CERS3: variants seen among roughly 807,000 people sequenced by gnomAD.
CERS3 encodes the protein LAG1 homolog, ceramide synthase 3.
CERS3 carries 33 observed loss-of-function variants against 50.3 expected under a neutral mutation model. That is an observed-to-expected ratio of 0.66 (90% confidence interval 0.50 to 0.88). CERS3 has a LOEUF of 0.88. CERS3 is among the 40% of genes least tolerant of loss of function. The probability of loss-of-function intolerance (pLI) is 0.00; values close to 1 mark genes in which losing one functional copy is unlikely to be tolerated. For synonymous variants in CERS3, 176 were observed against 155.2 expected (o/e 1.13, Z -0.99); for missense variants, 470 against 460.3 (o/e 1.02, Z -0.19).
At chr15:100,497,880 CACACACACACACACA>C (rs1243102268) in intron 3 of CERS3, among the ~76,000 whole-genome samples, 1,075 of 83,084 alleles carry the variant, frequency 0.013, 25 homozygotes, top group African/African-American at 0.04. Context: ...CACACACACA[CACACACACACACACA>C]CTTTTTTTTT....
At chr15:100,467,882 TAGATATAG>T (rs1567640283) in intron 10 of CERS3, among the ~76,000 whole-genome samples, 52 of 44,692 alleles carry the variant, frequency 1.2e-3, no homozygotes, top group Middle Eastern at 0.013. Context: ...TAGATAGATA[TAGATATAG>T]ATATAGATAT....
chr15:100,415,009 T>C (rs2031789442), intron 11 of CERS3, among the ~76,000 whole-genome samples: 1 of 151,948 alleles, frequency 6.6e-6, no homozygotes, highest in African/African-American at 2.4e-5. Flanking sequence ...ACCTACAGAA[T>C]GGGAGAAAAT....
chr15:100,509,257 T>G (rs1436955666), intron 2 of CERS3, among the ~76,000 whole-genome samples: 4 of 152,196 alleles, frequency 2.6e-5, no homozygotes, highest in Admixed American at 2.6e-4. Flanking sequence ...TAAAACCAGT[T>G]GGGCCACAAG....
chr15:100,474,404 C>CT (rs1439099473), intron 8 of CERS3, among the ~76,000 whole-genome samples: 1 of 144,270 alleles, frequency 6.9e-6, no homozygotes, highest in African/African-American at 2.5e-5. Context: ...CAGGAAGTTT[C>CT]TTTTTTTTCT....
At chr15:100,499,873 C>A (rs1336601196) in intron 3 of CERS3, among the ~76,000 whole-genome samples, 1 of 152,124 alleles carries the variant, frequency 6.6e-6, no homozygotes, top group South Asian at 2.1e-4. Context: ...AACCAACAAC[C>A]CTAAACCTGA....
chr15:100,439,462 G>A (rs908715609), intron 11 of CERS3, among the ~76,000 whole-genome samples: 9 of 151,828 alleles, frequency 5.9e-5, no homozygotes, highest in Non-Finnish European at 1.2e-4. Context: ...GGAATTGAAG[G>A]AACAAACTCA....
intron 7 of CERS3, among the ~76,000 whole-genome samples, chr15:100,477,121 T>G (rs1415374205): frequency 1.3e-5 from 2 of 152,164 alleles, no homozygotes; most frequent in Admixed American, 1.3e-4. Context: ...TAGCCTAAAT[T>G]GACAATCAAA....
chr15:100,501,827 C>G lies in CERS3; in HGVS notation c.23G>C (p.Trp8Ser). The G allele has an allele frequency of 6.2e-7, 1 of 1,614,068 alleles. No individual in the cohort carries two copies. Among genetic ancestry groups the G allele is most frequent in the Non-Finnish European group, 8.5e-7 (1 of 1,179,980 alleles). Reference protein sequence around the residue: MFWTFKEWFWLERFWLPP... With the variant: MFWTFKESFWLERFWLPP... ...AAGCCAGAATCTTTCCAACCAGAACCATTCTTTAAACGTCCAAAACATTCT... is the reference window on the plus strand; with the variant it reads ...AAGCCAGAATCTTTCCAACCAGAACGATTCTTTAAACGTCCAAAACATTCT... The change falls in exon 3 of 12, where the codon TGG (tryptophan) becomes TCG (serine). Residue 8 changes from tryptophan to serine, a missense_variant. Physicochemically the swap from Trp to Ser is radical, Grantham distance 177 (BLOSUM62 -3). Transcript: ENST00000679737.
chr15:100,506,461 A>ACCAC (rs1555533152), intron 2 of CERS3, among the ~76,000 whole-genome samples: 1 of 30,410 alleles, frequency 3.3e-5, no homozygotes, highest in Non-Finnish European at 9.1e-5. Flanking sequence ...AGAAATCGGG[A>ACCAC]CCCCCCCGCC....
In CERS3 at chr15:100,484,548, AC is replaced by A. The variant is rs1292591751; in HGVS notation, c.407+1del. 6.2e-7 allele frequency: 1 copy of A among 1,602,154 alleles called. No homozygotes were observed. On this transcript the variant is annotated splice_donor_variant, in intron 5 of 11. Transcript: ENST00000679737. LOFTEE classifies it high-confidence loss of function. ...TCCTAAAGCTTGGCCCATCCTCCTT[AC>A]CAAGCTTCCTGGAATTTCTTCAGCC...
In CERS3 at chr15:100,455,933, T is replaced by A. The variant is rs976155135; in HGVS notation, c.959A>T (p.Tyr320Phe). Residue 320 changes from tyrosine to phenylalanine, a missense_variant, in exon 11 of 12, where the codon TAT (tyrosine) becomes TTT (phenylalanine). Tyr to Phe is a conservative substitution (Grantham distance 22, BLOSUM62 3). Coordinates refer to ENST00000679737, the MANE Select transcript of CERS3 (RefSeq NM_001378789.1). ...ILQVLHLYWG[Y>F]YILKMLNRCI... ...TCTGTTGAGCATCTTCAAGATGTAA[T>A]AACCCCAGTAAAGGTGAAGGACCTG... 6.2e-7 allele frequency: 1 copy of A among 1,612,792 alleles called. No individual in the cohort carries two copies. The highest frequency in any genetic ancestry group is 8.5e-7 in the Non-Finnish European group (1 of 1,179,344).
rs10622678 is a variant in CERS3, at chr15:100,483,787, A to ATTTTTTTTTTTTTT, written c.407+762_407+763insAAAAAAAAAAAAAA. On this transcript the variant is annotated intron_variant, in intron 5 of 11. Transcript: ENST00000679737. ...AATAATAATAATAATTATTATTATT[A>ATTTTTTTTTTTTTT]TTTTTTTTTTTGAGACAGAGTCTTG... Among the ~76,000 whole-genome samples the ATTTTTTTTTTTTTT allele has an allele frequency of 2.2e-4, 22 of 100,008 alleles. 3 individuals are homozygous for ATTTTTTTTTTTTTT. The highest frequency in any genetic ancestry group is 4.6e-4 in the African/African-American group (12 of 26,132). 65.6% of individuals were successfully genotyped at this position (100,008 alleles called of 152,430 possible). A position where few individuals can be genotyped will look rare whatever the true frequency, so the allele number is the denominator to read the frequency against.
At chr15:100,485,661 C>T (rs780203535) in intron 4 of CERS3, among the ~76,000 whole-genome samples, 1 of 152,004 alleles carries the variant, frequency 6.6e-6, no homozygotes, top group Non-Finnish European at 1.5e-5. Context: ...GTCAGGAGTT[C>T]GAGATCTGCC....
Position 100,417,493 on chromosome 15 carries a change from G to A in CERS3, c.1000-14628C>T, listed in dbSNP as rs954734860. ...TGAGATCAAACTGCAAGGCAGCAGC[G>A]AGGCTGGGGGAGGGGCGCCCGCCAT... On this transcript the variant is annotated intron_variant, in intron 11 of 11. Coordinates refer to ENST00000679737, the MANE Select transcript of CERS3 (RefSeq NM_001378789.1). Among the ~76,000 whole-genome samples the A allele has an allele frequency of 7.9e-5, 12 of 151,978 alleles. No homozygotes were observed. The South Asian group carries it at 1.0e-3, about 13-fold the overall frequency.
At chr15:100,485,397 C>T (rs1246862624) in intron 4 of CERS3, among the ~76,000 whole-genome samples, 3 of 152,158 alleles carry the variant, frequency 2.0e-5, no homozygotes, top group African/African-American at 4.8e-5. Flanking sequence ...GTTACCAATT[C>T]GAAGGTCTCC....
intron 2 of CERS3, among the ~76,000 whole-genome samples, chr15:100,503,442 A>G (rs1472289935): frequency 6.6e-6 from 1 of 152,164 alleles, no homozygotes; most frequent in Non-Finnish European, 1.5e-5. Context: ...TAGGCCTTAG[A>G]GCGTTTGCTT....
intron 9 of CERS3, among the ~76,000 whole-genome samples, chr15:100,471,681 A>G (rs953502507): frequency 1.3e-5 from 2 of 152,234 alleles, no homozygotes; most frequent in African/African-American, 2.4e-5. Context: ...AAACGGCACA[A>G]TCCTTCTCCT....
chr15:100,444,656 G>A (rs61491331), intron 11 of CERS3, among the ~76,000 whole-genome samples: 10,498 of 151,934 alleles, frequency 0.069, 421 homozygotes, highest in African/African-American at 0.12. Flanking sequence ...GCTCCTCAGG[G>A]ATTATTCAGG....
intron 1 of CERS3, among the ~76,000 whole-genome samples, chr15:100,542,347 T>A (rs1289350566): frequency 6.6e-6 from 1 of 152,234 alleles, no homozygotes; most frequent in Non-Finnish European, 1.5e-5. Context: ...CCTTATTTGG[T>A]CACGCATGGC....
Sources: gnomAD v4.1 joint callset for allele counts (sites outside exome capture counted in the v4.1 genomes callset) on GRCh38, gnomAD v4.1.1 for gene constraint, MANE v1.5 for transcripts, NCBI Gene and HGNC (gene_info 2026-07-23, HGNC 2026-07-21) for gene names.